FOLH1: variants seen among roughly 807,000 people sequenced by gnomAD.
FOLH1 encodes glutamate carboxypeptidase 2.
FOLH1 carries 54 observed loss-of-function variants against 93.9 expected under a neutral mutation model. The observed-to-expected ratio is 0.57, with a 90% CI of 0.46 to 0.72. The LOEUF is 0.72. Ranked by LOEUF, FOLH1 falls within the 30% of genes least tolerant of loss-of-function variation. The probability of loss-of-function intolerance (pLI) is 0.00; values close to 1 mark genes in which losing one functional copy is unlikely to be tolerated. For synonymous variants in FOLH1, 249 were observed against 303.6 expected (o/e 0.82, Z 1.87); for missense variants, 571 against 892.5 (o/e 0.64, Z 4.59).
chr11:49,169,904 G>GA (rs997251905), intron 11 of FOLH1, among the ~76,000 whole-genome samples: 43 of 151,878 alleles, frequency 2.8e-4, no homozygotes, highest in African/African-American at 9.7e-4. Context: ...GATAAAAAAT[G>GA]AAAAAAATAC....
Position 49,192,943 on chromosome 11 carries a change from T to C in FOLH1, c.412-49A>G, listed in dbSNP as rs770810342. 6.1e-6 allele frequency: 9 copies of C among 1,482,448 alleles called. No homozygotes were observed. The South Asian group carries it at 9.4e-5, about 15-fold the overall frequency. 91.8% of individuals were successfully genotyped at this position (1,482,448 alleles called of 1,614,324 possible). A position where few individuals can be genotyped will look rare whatever the true frequency, so the allele number is the denominator to read the frequency against. ...CAAAATAAAACAGTTAAAGTTTGATTACTGTAATCAAACACAAAAAAAATG... is the reference window on the plus strand; with the variant it reads ...CAAAATAAAACAGTTAAAGTTTGATCACTGTAATCAAACACAAAAAAAATG... On this transcript the variant is annotated intron_variant, in intron 3 of 18. Transcript: ENST00000256999.
rs61886492 is a variant in FOLH1 at position 49,164,722 on chromosome 11, G to A, written c.1423C>T (p.His475Tyr). 72,496 of 1,599,618 alleles carry A rather than the reference G, an allele frequency of 0.045. 1,888 individuals are homozygous for A. Among genetic ancestry groups the A allele is most frequent in the Non-Finnish European group, 0.051 (59,597 of 1,169,094 alleles). The stretch of plus-strand genomic sequence containing the variant: ...TTATATACCTCTTTTGTTAGGTTGT[G>A]TACCAAGCTGTACATCAGCGGTGTA... ...DCTPLMYSLV[H>Y]NLTKELKSPD... The change falls in exon 13 of 19, where the codon CAC becomes TAC. Residue 475 changes from histidine to tyrosine, a missense_variant. This residue lies in a region of FOLH1 where 500 missense variants were observed against 822.9 expected (regional missense o/e 0.61). Transcript: ENST00000256999.
rs369560869 is a variant in FOLH1, at chr11:49,193,293, A to G, written c.412-399T>C. Among the ~76,000 whole-genome samples, 26 of 152,326 alleles carry G rather than the reference A, an allele frequency of 1.7e-4. No homozygotes were observed. The East Asian group carries it at 3.3e-3, about 19-fold the overall frequency. On this transcript the variant is annotated intron_variant, in intron 3 of 18. Transcript: ENST00000256999. ...GTACTGATAGAAGGAAGAATTAGAA[A>G]TTTATTTTTTGTAAGTGGCATACAT...
chr11:49,159,043 A>T (rs1440418178), intron 13 of FOLH1, among the ~76,000 whole-genome samples: 2 of 152,104 alleles, frequency 1.3e-5, no homozygotes, highest in Non-Finnish European at 2.9e-5. Flanking sequence ...TTGACAATGG[A>T]ATTTCCTAGA....
chr11:49,167,191 T>C (rs1858517032), intron 12 of FOLH1, among the ~76,000 whole-genome samples: 1 of 152,252 alleles, frequency 6.6e-6, no homozygotes, highest in Non-Finnish European at 1.5e-5. Flanking sequence ...TAAGTAGGTG[T>C]AATGATACTA....
chr11:49,200,510 T>C, intron 2 of FOLH1, 69 bp from the exon 3 acceptor site: 1 of 1,483,824 alleles, frequency 6.7e-7, no homozygotes, highest in Non-Finnish European at 9.3e-7. Flanking sequence ...ATCAACAAAG[T>C]AAAGCAGAGT....
At chr11:49,151,782 T>C (rs1856538432) in intron 17 of FOLH1, among the ~76,000 whole-genome samples, 1 of 152,124 alleles carries the variant, frequency 6.6e-6, no homozygotes, top group Non-Finnish European at 1.5e-5. Flanking sequence ...CCATGAGACA[T>C]TTTGTCAGAG....
chr11:49,148,574 A>G, intron 18 of FOLH1, 65 bp downstream of exon 18: 2 of 1,295,658 alleles, frequency 1.5e-6, no homozygotes, highest in Non-Finnish European at 2.1e-6. Flanking sequence ...TCCACAGTGA[A>G]AAAAATAAAA....
At chr11:49,197,987 A>G (rs1198309870) in intron 3 of FOLH1, among the ~76,000 whole-genome samples, 1 of 152,086 alleles carries the variant, frequency 6.6e-6, no homozygotes, top group Non-Finnish European at 1.5e-5. Flanking sequence ...CTAATGATAT[A>G]AATTTAAAAA....
At chr11:49,168,200 C>T (rs1183268049) in intron 12 of FOLH1, among the ~76,000 whole-genome samples, 1 of 151,398 alleles carries the variant, frequency 6.6e-6, no homozygotes, top group East Asian at 1.9e-4. Flanking sequence ...GTGATGAGTG[C>T]CATGAAGACA....
chr11:49,151,105 G>A (rs1856463934), intron 17 of FOLH1, among the ~76,000 whole-genome samples: 1 of 152,180 alleles, frequency 6.6e-6, no homozygotes, highest in African/African-American at 2.4e-5. Context: ...TGAAATAGGA[G>A]ATTGATATTG....
chr11:49,190,791 G>A (rs544290254), intron 4 of FOLH1, among the ~76,000 whole-genome samples: 2 of 152,234 alleles, frequency 1.3e-5, no homozygotes, highest in East Asian at 1.9e-4. Context: ...GGATTCAGAC[G>A]TAAATTCAAA....
chr11:49,202,998 A>G (rs1367715992), intron 2 of FOLH1, among the ~76,000 whole-genome samples: 1 of 152,334 alleles, frequency 6.6e-6, no homozygotes, highest in Non-Finnish European at 1.5e-5. Flanking sequence ...ATTCTGGAAA[A>G]TGTGTAAATT....
intron 13 of FOLH1, among the ~76,000 whole-genome samples, chr11:49,158,833 G>C (rs918698228): frequency 2.0e-5 from 3 of 152,062 alleles, no homozygotes; most frequent in African/African-American, 4.8e-5. Context: ...AGTTCTCCTT[G>C]TAGAGATCTT....
In FOLH1 at chr11:49,208,476, A is replaced by C. The variant is rs1265173534; in HGVS notation, c.-67T>G. 2 of 1,097,280 alleles carry C rather than the reference A, an allele frequency of 1.8e-6. No homozygotes were observed. The highest frequency in any genetic ancestry group is 3.1e-5 in the African/African-American group (2 of 63,600). 68.0% of individuals were successfully genotyped at this position (1,097,280 alleles called of 1,614,324 possible). On this transcript the variant is annotated 5_prime_UTR_variant, in exon 1 of 19. Transcript: ENST00000256999. ...GCTGCTGCTCTACTGCGCGCCCTCC[A>C]ACCACCACGGCGGGGTAAAGTCTCT... is the stretch of plus-strand genomic sequence containing the variant.
At chr11:49,202,302 A>G (rs1003778144) in intron 2 of FOLH1, among the ~76,000 whole-genome samples, 4 of 152,240 alleles carry the variant, frequency 2.6e-5, no homozygotes, top group Non-Finnish European at 5.9e-5. Flanking sequence ...AAACAAGAAT[A>G]AGAATAAAAA....
intron 18 of FOLH1, among the ~76,000 whole-genome samples, chr11:49,147,916 G>T (rs1489651554): frequency 6.6e-6 from 1 of 151,514 alleles, no homozygotes; most frequent in Non-Finnish European, 1.5e-5. Context: ...GACAGAGTGG[G>T]ACCCTGTCTC....
chr11:49,172,446 T>A (rs1859448632), intron 10 of FOLH1, among the ~76,000 whole-genome samples: 1 of 152,132 alleles, frequency 6.6e-6, no homozygotes, highest in African/African-American at 2.4e-5. Context: ...CCTGATTCTC[T>A]TATGCTGCCA....
At position 49,194,305 on chromosome 11, in the gene FOLH1, C is replaced by T. The variant is rs1055396050; in HGVS notation, c.412-1411G>A. On this transcript the variant is annotated intron_variant, in intron 3 of 18. Coordinates refer to ENST00000256999, the MANE Select transcript of FOLH1 (RefSeq NM_004476.3). ...CACTGTTTATATAGTATGCCTCAAGCGAAAATATTTATTTTAAAGCAGTGC... is the reference window on the plus strand; with the variant it reads ...CACTGTTTATATAGTATGCCTCAAGTGAAAATATTTATTTTAAAGCAGTGC... Among the ~76,000 whole-genome samples, 7 of 151,472 alleles carry T rather than the reference C, an allele frequency of 4.6e-5. No individual in the cohort carries two copies. The South Asian group carries it at 6.3e-4, about 14-fold the overall frequency.
Sources: allele counts gnomAD v4.1 joint callset (sites outside exome capture counted in the v4.1 genomes callset), GRCh38; gene constraint gnomAD v4.1.1; regional missense constraint gnomAD v4.1.1; transcripts MANE v1.5; gene names NCBI Gene and HGNC (gene_info 2026-07-23, HGNC 2026-07-21).